The following SPO11 variants were observed in gnomAD, a reference collection of about 807,000 sequenced individuals.
SPO11 encodes meiotic recombination protein SPO11.
SPO11 carries 49 observed loss-of-function variants against 51.6 expected under a neutral mutation model. That is an observed-to-expected ratio of 0.95 (90% CI 0.75 to 1.20). SPO11 has a LOEUF of 1.20. Among genes scored for constraint, SPO11 ranks in the 50% most tolerant of loss-of-function variants. SPO11 has a pLI of 0.00. For synonymous variants in SPO11, 176 were observed against 158.2 expected, an observed-to-expected ratio of 1.11 and a Z score of -0.84; for missense variants, 431 against 473.4, an observed-to-expected ratio of 0.91 and a Z score of 0.83.
chr20:57,337,785 A>G (rs1000010226), intron 8 of SPO11: 7 of 1,305,734 alleles, frequency 5.4e-6, no homozygotes, highest in Non-Finnish European at 6.0e-6. Flanking sequence ...GGAAGATGTA[A>G]CCCTTTTTTT....
chr20:57,336,444 C>T (rs987835112), intron 8 of SPO11, among the ~76,000 whole-genome samples: 1 of 152,190 alleles, frequency 6.6e-6, no homozygotes, highest in Non-Finnish European at 1.5e-5. Flanking sequence ...AGGCCCCTGA[C>T]TTCAATTATC....
intron 7 of SPO11, 76 bp from the exon 8 acceptor site, chr20:57,335,722 C>A: frequency 1.1e-6 from 1 of 893,988 alleles, no homozygotes; most frequent in Non-Finnish European, 1.8e-6. Context: ...TTTGAATTAT[C>A]TATATGGCAC....
intron 12 of SPO11, 74 bp downstream of exon 12, chr20:57,342,914 A>G (rs2066600896): frequency 3.0e-6 from 3 of 1,013,882 alleles, no homozygotes; most frequent in East Asian, 5.0e-5. Context: ...TTCACATCGT[A>G]TTTTGAAAAT....
rs557770291 is a variant in SPO11 at position 57,343,243 on chromosome 20, G to A, written c.1072-98G>A. 1.3e-5 allele frequency: 19 copies of A among 1,431,528 alleles called. No individual in the cohort carries two copies. The East Asian group carries it at 4.0e-4, about 30-fold the overall frequency. 88.7% of individuals were successfully genotyped at this position (1,431,528 alleles called of 1,614,324 possible). A position where few individuals can be genotyped will look rare whatever the true frequency, so the allele number is the denominator to read the frequency against. ...CTGACCCTTAAGACTATTGTCCCTG[G>A]TTTTGGAGAATAAAGCAATTCTAGA... On this transcript the variant is annotated intron_variant, in intron 12 of 12. Transcript: ENST00000371263.
chr20:57,333,119 A>C, intron 2 of SPO11, 69 bp from the exon 3 acceptor site: 1 of 1,118,100 alleles, frequency 8.9e-7, no homozygotes, highest in Non-Finnish European at 1.3e-6. Flanking sequence ...GAAGACCATA[A>C]GTATATATTG....
At chr20:57,338,446 C>CTT (rs113456122) in intron 9 of SPO11, 71 bp downstream of exon 9, 2,055 of 903,930 alleles carry the variant, frequency 2.3e-3, no homozygotes, top group South Asian at 2.6e-3. Context: ...TTTTCTTCCT[C>CTT]TTTTTTTTTT....
Position 57,329,859 on chromosome 20 carries a change from T to C in SPO11, c.-9T>C. 2 of 1,611,114 alleles carry C rather than the reference T, an allele frequency of 1.2e-6. No homozygotes were observed. The highest frequency in any genetic ancestry group is 1.7e-6 in the Non-Finnish European group (2 of 1,178,246). ...GGGCTTCTGGAGCTTCTGGCAGCCG[T>C]CTGCCCTCATGGCCTTTGCACCTAT... On this transcript the variant is annotated 5_prime_UTR_variant, in exon 1 of 13. Transcript: ENST00000371263.
chr20:57,340,321 T>C (rs1245134581), intron 11 of SPO11, 143 bp downstream of exon 11: 10 of 556,256 alleles, frequency 1.8e-5, no homozygotes, highest in Non-Finnish European at 2.8e-5. Flanking sequence ...TATGTAATTA[T>C]GAATTAAATT....
intron 3 of SPO11, 51 bp downstream of exon 3, chr20:57,333,327 T>C (rs1160663726): frequency 7.5e-7 from 1 of 1,326,626 alleles, no homozygotes; most frequent in South Asian, 1.3e-5. Context: ...TAAATTTTGT[T>C]ATCTTCTCAA....
rs112279729 is a variant in SPO11, at chr20:57,343,629, A to G, written c.*169A>G. 9.6e-5 allele frequency: 69 copies of G among 719,900 alleles called. No individual in the cohort carries two copies. The African/African-American group carries it at 1.1e-3, about 11-fold the overall frequency. 44.6% of individuals were successfully genotyped at this position (719,900 alleles called of 1,614,324 possible). On this transcript the variant is annotated 3_prime_UTR_variant, in exon 13 of 13. Transcript: ENST00000371263. ...TTGTCAAAACAAATGCTGTACTCCA[A>G]TTTTCTTTGCAAGGCCTTATTCTTG...
chr20:57,342,673 A>T, intron 11 of SPO11, 56 bp from the exon 12 acceptor site: 1 of 1,059,692 alleles, frequency 9.4e-7, no homozygotes, highest in Non-Finnish European at 1.4e-6. Context: ...AAAATACAGG[A>T]CATTCAAGTT....
chr20:57,339,749 G>C (rs1307557896), intron 10 of SPO11, among the ~76,000 whole-genome samples: 4 of 152,188 alleles, frequency 2.6e-5, no homozygotes, highest in Non-Finnish European at 5.9e-5. Flanking sequence ...TTGTTTTGTT[G>C]CTGTTTTGAG....
At chr20:57,330,129 A>G (rs529434724) in intron 1 of SPO11, 131 bp downstream of exon 1, 6 of 1,308,956 alleles carry the variant, frequency 4.6e-6, no homozygotes, top group Non-Finnish European at 6.1e-6. Context: ...GGAACCCCCA[A>G]AAAGATCCTT....
chr20:57,336,823 A>G (rs1179872847), intron 8 of SPO11, among the ~76,000 whole-genome samples: 1 of 152,234 alleles, frequency 6.6e-6, no homozygotes, highest in Non-Finnish European at 1.5e-5. Context: ...TGACATAGTA[A>G]GAGTTCACAT....
chr20:57,341,535 T>G (rs2066581980), intron 11 of SPO11, among the ~76,000 whole-genome samples: 1 of 152,238 alleles, frequency 6.6e-6, no homozygotes, highest in Non-Finnish European at 1.5e-5. Context: ...TTTATTGGAT[T>G]TCTTTAAGTG....
intron 1 of SPO11, among the ~76,000 whole-genome samples, chr20:57,330,398 G>GTT (rs28368069): frequency 1.3e-5 from 2 of 150,888 alleles, no homozygotes; most frequent in African/African-American, 4.9e-5. Context: ...TTATTTTTTG[G>GTT]TTTTTTTTTA....
At position 57,340,173 on chromosome 20, in the gene SPO11, T is replaced by G. The variant is rs1568763620; in HGVS notation, c.954T>G (p.Leu318=). The change falls in exon 11 of 13, where the codon CTT becomes CTG. Residue 318 remains leucine (L), a synonymous_variant. Coordinates refer to ENST00000371263, the MANE Select transcript of SPO11 (RefSeq NM_012444.3). The part of the protein sequence containing the change: ...IRWLGLLPSD[L]KRLNVPKDSL... ...GGCTTGGTCTTCTCCCTTCTGATCT[T>G]AAAAGGTTAGATAGTATAGCAGAAC... 1 of 1,597,822 alleles carries G rather than the reference T, an allele frequency of 6.3e-7. No homozygotes were observed. Among genetic ancestry groups the G allele is most frequent in the South Asian group, 1.1e-5 (1 of 90,742 alleles).
chr20:57,335,136 T>C (rs1423098527), intron 6 of SPO11, among the ~76,000 whole-genome samples: 4 of 152,224 alleles, frequency 2.6e-5, no homozygotes, highest in African/African-American at 9.6e-5. Flanking sequence ...CATAAAATTT[T>C]CTGGTTCTGA....
In SPO11 at chr20:57,340,120, C is replaced by T. The variant is rs774938108; in HGVS notation, c.901C>T (p.His301Tyr). 1.9e-6 allele frequency: 3 copies of T among 1,611,870 alleles called. No homozygotes were observed. The highest frequency in any genetic ancestry group is 3.3e-5 in the Admixed American group (2 of 60,028). ...ATTTTAGTCTATGTCTTTTGAAGCT[C>T]ATCATCTCACAGTTCCAGCTATTAG... ...YGSMSMSFEAHHLTVPAIRWL... is the reference protein window; with the variant it reads ...YGSMSMSFEAYHLTVPAIRWL... The change falls in exon 11 of 13, where the codon CAT becomes TAT. Residue 301 changes from histidine to tyrosine, a missense_variant. By Grantham distance (83) the His-to-Tyr change is moderately conservative. Coordinates refer to ENST00000371263, the MANE Select transcript of SPO11 (RefSeq NM_012444.3).
Sources: allele counts gnomAD v4.1 joint callset (sites outside exome capture counted in the v4.1 genomes callset), GRCh38; gene constraint gnomAD v4.1.1; transcripts MANE v1.5; gene names NCBI Gene and HGNC (gene_info 2026-07-23, HGNC 2026-07-21).